ZNF804A: variants seen among roughly 807,000 people sequenced by gnomAD.
ZNF804A encodes the protein zinc finger protein 804A.
A neutral mutation model predicts 16.5 loss-of-function variants in ZNF804A; 2 were observed. That is an observed-to-expected ratio of 0.12 (90% CI 0.05 to 0.38). The LOEUF is 0.38. Among genes scored for constraint, ZNF804A ranks in the 10% least tolerant of loss-of-function variants. ZNF804A has a pLI of 0.99. For missense variants in ZNF804A, 1,473 were observed against 1,390.7 expected, an observed-to-expected ratio of 1.06 and a Z score of -0.94; for synonymous variants, 534 against 489.6, an observed-to-expected ratio of 1.09 and a Z score of -1.20.
At chr2:184,769,486 T>C (rs1014998614) in intron 1 of ZNF804A, among the ~76,000 whole-genome samples, 4 of 152,096 alleles carry the variant, frequency 2.6e-5, no homozygotes, top group Non-Finnish European at 4.4e-5. Flanking sequence ...TCTCAACATG[T>C]TGAAGCGTTG....
intron 2 of ZNF804A, among the ~76,000 whole-genome samples, chr2:184,907,115 A>G (rs1348434201): frequency 1.3e-5 from 2 of 152,174 alleles, no homozygotes; most frequent in African/African-American, 4.8e-5. Flanking sequence ...GATCCCAGTC[A>G]TATATACCCT....
chr2:184,610,903 G>A (rs182587555), intron 1 of ZNF804A, among the ~76,000 whole-genome samples: 2 of 152,182 alleles, frequency 1.3e-5, no homozygotes, highest in Admixed American at 6.5e-5. Context: ...AGCTATGTAT[G>A]GATTTACATA....
At position 184,880,423 on chromosome 2, in the gene ZNF804A, A is replaced by C. The variant is rs1382866866; in HGVS notation, c.255+13911A>C. On this transcript the variant is annotated intron_variant, in intron 2 of 3. Coordinates refer to ENST00000302277, the MANE Select transcript of ZNF804A (RefSeq NM_194250.2). ...CAAAATTATTTTTACTGAATGTTTC[A>C]CTCATCTATGCTTTTTCAAGCTTCT... Among the ~76,000 whole-genome samples the C allele has an allele frequency of 4.6e-5, 7 of 151,804 alleles. No individual in the cohort carries two copies. In the East Asian group the frequency reaches 1.2e-3, roughly 25 times the overall value.
intron 2 of ZNF804A, among the ~76,000 whole-genome samples, chr2:184,880,746 A>C (rs1446578985): frequency 6.6e-6 from 1 of 152,024 alleles, no homozygotes; most frequent in Admixed American, 6.6e-5. Flanking sequence ...ACATCTCCTG[A>C]AGTCCTTCTT....
chr2:184,908,002 G>T (rs1685302966), intron 2 of ZNF804A, among the ~76,000 whole-genome samples: 1 of 152,006 alleles, frequency 6.6e-6, no homozygotes, highest in Admixed American at 6.6e-5. Flanking sequence ...ATCTGATACT[G>T]CCCGGTTGTG....
intron 1 of ZNF804A, among the ~76,000 whole-genome samples, chr2:184,786,869 T>A (rs1694456301): frequency 6.6e-6 from 1 of 152,122 alleles, no homozygotes; most frequent in South Asian, 2.1e-4. Context: ...AGAAAAATTG[T>A]AATGATGGTA....
chr2:184,722,220 G>C (rs541054299), intron 1 of ZNF804A, among the ~76,000 whole-genome samples: 14 of 152,100 alleles, frequency 9.2e-5, no homozygotes, highest in Admixed American at 4.6e-4. Flanking sequence ...ACAGTTGTGT[G>C]TCTACATCTG....
intron 1 of ZNF804A, among the ~76,000 whole-genome samples, chr2:184,611,896 CAT>C (rs1429165903): frequency 6.6e-6 from 1 of 152,192 alleles, no homozygotes; most frequent in Non-Finnish European, 1.5e-5. Flanking sequence ...ATTTTAGTCA[CAT>C]GTGATACATG....
intron 2 of ZNF804A, among the ~76,000 whole-genome samples, chr2:184,932,396 G>A (rs1320984401): frequency 1.3e-5 from 2 of 152,146 alleles, no homozygotes; most frequent in African/African-American, 2.4e-5. Flanking sequence ...GGCAAAGGAG[G>A]AGCAAAGTCA....
At chr2:184,931,656 G>A (rs1685704555) in intron 2 of ZNF804A, among the ~76,000 whole-genome samples, 1 of 152,140 alleles carries the variant, frequency 6.6e-6, no homozygotes. Flanking sequence ...AACCTGACAT[G>A]CCTCGGAGAT....
intron 1 of ZNF804A, among the ~76,000 whole-genome samples, chr2:184,730,847 C>T (rs1370555876): frequency 1.4e-5 from 2 of 145,486 alleles, no homozygotes; most frequent in Non-Finnish European, 1.5e-5. Flanking sequence ...CAATTTGCAG[C>T]TTTTTTTTTT....
chr2:184,903,765 T>C (rs1347558771), intron 2 of ZNF804A, among the ~76,000 whole-genome samples: 1 of 152,172 alleles, frequency 6.6e-6, no homozygotes, highest in Non-Finnish European at 1.5e-5. Context: ...TGTATACAAC[T>C]TGATGAGTTT....
chr2:184,751,290 A>C (rs1693873782), intron 1 of ZNF804A, among the ~76,000 whole-genome samples: 1 of 151,488 alleles, frequency 6.6e-6, no homozygotes, highest in African/African-American at 2.4e-5. Context: ...AGCCTCTTCA[A>C]AAAATGGTGT....
chr2:184,681,342 T>C (rs531853718), intron 1 of ZNF804A, among the ~76,000 whole-genome samples: 1 of 152,316 alleles, frequency 6.6e-6, no homozygotes, highest in South Asian at 2.1e-4. Flanking sequence ...AAGATTCTTA[T>C]GTTACCAAAC....
intron 1 of ZNF804A, among the ~76,000 whole-genome samples, chr2:184,847,739 C>G (rs1695542177): frequency 6.6e-6 from 1 of 152,056 alleles, no homozygotes; most frequent in Non-Finnish European, 1.5e-5. Context: ...ATGTCAGTCT[C>G]AAGTCCAGAT....
At chr2:184,856,944 T>C (rs1013029637) in intron 1 of ZNF804A, among the ~76,000 whole-genome samples, 3 of 152,120 alleles carry the variant, frequency 2.0e-5, no homozygotes, top group Non-Finnish European at 4.4e-5. Flanking sequence ...AGATTATGTA[T>C]GTTTATTGTT....
intron 1 of ZNF804A, among the ~76,000 whole-genome samples, chr2:184,824,358 A>G (rs778172182): frequency 6.6e-6 from 1 of 152,086 alleles, no homozygotes; most frequent in Non-Finnish European, 1.5e-5. Flanking sequence ...ATATCTTTGG[A>G]TGGTCACTAA....
At chr2:184,874,006 T>C (rs1396243920) in intron 2 of ZNF804A, among the ~76,000 whole-genome samples, 2 of 152,186 alleles carry the variant, frequency 1.3e-5, no homozygotes, top group Non-Finnish European at 2.9e-5. Flanking sequence ...AATTAGGATA[T>C]AATCACAAAA....
rs539380546 is a variant in ZNF804A, at chr2:184,699,611, G to A, written c.111+100541G>A. On this transcript the variant is annotated intron_variant, in intron 1 of 3. Transcript: ENST00000302277. ...CTGGTATGTCAGGGTAACCAAAAACGTAGTCCTGAAAATCAAGCTAGTGTT... is the reference window on the plus strand; with the variant it reads ...CTGGTATGTCAGGGTAACCAAAAACATAGTCCTGAAAATCAAGCTAGTGTT... Among the ~76,000 whole-genome samples, 141 of 152,138 alleles carry A rather than the reference G, an allele frequency of 9.3e-4. 1 individual carries two copies. Among genetic ancestry groups the A allele is most frequent in the Non-Finnish European group, 5.3e-4 (36 of 67,962 alleles).
Sources: gnomAD v4.1 joint callset for allele counts (sites outside exome capture counted in the v4.1 genomes callset) on GRCh38, gnomAD v4.1.1 for gene constraint, MANE v1.5 for transcripts, NCBI Gene and HGNC (gene_info 2026-07-23, HGNC 2026-07-21) for gene names.